The following ANKRD26 variants were observed in gnomAD, a reference collection of about 807,000 sequenced individuals.
ANKRD26 encodes ankyrin repeat domain-containing protein 26.
In ANKRD26, 141 loss-of-function variants were observed where a neutral mutation model predicts 208.7. The observed-to-expected ratio is 0.68, with a 90% CI of 0.59 to 0.78. ANKRD26 has a LOEUF of 0.78. Among genes scored for constraint, ANKRD26 ranks in the 30% least tolerant of loss-of-function variants. The pLI is 0.00. For missense variants in ANKRD26, 1,889 were observed against 1,938.7 expected, an observed-to-expected ratio of 0.97 and a Z score of 0.48; for synonymous variants, 636 against 660.4, an observed-to-expected ratio of 0.96 and a Z score of 0.57.
chr10:26,955,400 C>G, the ANKRD26 span, among the ~76,000 whole-genome samples: 3 of 151,532 alleles, frequency 2.0e-5, no homozygotes, highest in Non-Finnish European at 4.4e-5. Flanking sequence ...TGCACTCTAG[C>G]CTGTGCAACA....
At chr10:26,972,661 G>A (rs1250787917), downstream of ANKRD26, among the ~76,000 whole-genome samples, 1 of 148,992 alleles carries the variant, frequency 6.7e-6, no homozygotes, top group Non-Finnish European at 1.5e-5. Flanking sequence ...TGTGATCTTG[G>A]CTCACTGCAA....
At chr10:27,053,487 T>G in intron 15 of ANKRD26, 97 bp from the exon 16 acceptor site, 1 of 874,814 alleles carries the variant, frequency 1.1e-6, no homozygotes, top group Non-Finnish European at 1.7e-6. Context: ...TTATTTTATT[T>G]TATAAATCGA....
chr10:26,968,734 A>G, the ANKRD26 span, among the ~76,000 whole-genome samples: 1 of 152,234 alleles, frequency 6.6e-6, no homozygotes, highest in African/African-American at 2.4e-5. Flanking sequence ...GGGCAGCCTT[A>G]AATTGAGAAG....
In ANKRD26 at chr10:27,040,321, A is replaced by G; in HGVS notation, c.2162-143T>C. 5.9e-6 allele frequency: 4 copies of G among 672,352 alleles called. No individual in the cohort carries two copies. The South Asian group carries it at 7.4e-5, about 12-fold the overall frequency. The allele number at this position is 672,352 out of a possible 1,614,324, so 41.6% of individuals were successfully genotyped here. A position where few individuals can be genotyped will look rare whatever the true frequency, so the allele number is the denominator to read the frequency against. On this transcript the variant is annotated intron_variant, in intron 20 of 33. Transcript: ENST00000376087. ...TGGAAGACATTAAACTAAGCTCTGA[A>G]GATAAAACAGGCAAGACCTCTGCAC...
chr10:27,097,931 G>C (rs1448033726), intron 1 of ANKRD26, among the ~76,000 whole-genome samples: 1 of 150,398 alleles, frequency 6.6e-6, no homozygotes, highest in African/African-American at 2.4e-5. Flanking sequence ...GGGATTACAG[G>C]CCTAAGCCAT....
At chr10:26,961,148 C>T in the ANKRD26 span, among the ~76,000 whole-genome samples, 4 of 149,666 alleles carry the variant, frequency 2.7e-5, no homozygotes, top group South Asian at 4.2e-4. Context: ...ACCTGGGAGG[C>T]GGAGGTTGCA....
chr10:27,086,708 T>G, intron 4 of ANKRD26, 99 bp from the exon 5 acceptor site: 1 of 1,297,802 alleles, frequency 7.7e-7, no homozygotes, highest in Non-Finnish European at 1.0e-6. Flanking sequence ...TTATCAGAGC[T>G]AACAGCAGAA....
chr10:27,028,386 G>A (rs556449115), intron 27 of ANKRD26, among the ~76,000 whole-genome samples: 4 of 152,028 alleles, frequency 2.6e-5, no homozygotes, highest in South Asian at 2.1e-4. Flanking sequence ...CATGAGGTCA[G>A]GAGATCGAGA....
At chr10:27,040,762 G>C (rs530966089) in intron 20 of ANKRD26, among the ~76,000 whole-genome samples, 20 of 152,252 alleles carry the variant, frequency 1.3e-4, no homozygotes, top group African/African-American at 4.8e-4. Context: ...GGGCGTAGTG[G>C]GTCACACCTG....
At position 27,037,206 on chromosome 10, in the gene ANKRD26, G is replaced by T. The variant is rs376457164; in HGVS notation, c.2677C>A (p.Gln893Lys). 6.8e-6 allele frequency: 11 copies of T among 1,613,446 alleles called. No individual in the cohort carries two copies. Among genetic ancestry groups the T allele is most frequent in the African/African-American group, 1.3e-5 (1 of 74,984 alleles). ...AATACCTCAGAATTCATTTTCTTTT[G>T]AGCCATTTCAATCTCCTTTTGTTTG... ...LSKQKEIEMA[Q>K]KKMNSENSHS... is the part of the protein sequence containing the mutation. Residue 893 changes from glutamine to lysine, a missense_variant, in exon 23 of 34, where the codon CAA becomes AAA. Physicochemically the swap from Gln to Lys is moderately conservative, Grantham distance 53. Transcript: ENST00000376087.
chr10:27,029,343 T>G lies in ANKRD26; in HGVS notation c.3821A>C (p.Gln1274Pro), dbSNP rs1446112352. The G allele has an allele frequency of 2.5e-6, 4 of 1,612,262 alleles. No individual in the cohort carries two copies. Among genetic ancestry groups the G allele is most frequent in the Non-Finnish European group, 3.4e-6 (4 of 1,178,988 alleles). The change falls in exon 26 of 34, where the codon CAG (glutamine) becomes CCG (proline). Residue 1274 changes from glutamine (Q) to proline (P), a missense_variant. Gln to Pro is a moderately conservative substitution (Grantham distance 76, BLOSUM62 -1). Around this residue, in one of 3 missense-constraint regions of ANKRD26, gnomAD observed 613 missense variants for 648.2 expected, o/e 0.95. Transcript: ENST00000376087. ...GQIRNQLQEAQDRHTEAVRCA... is the reference protein window; with the variant it reads ...GQIRNQLQEAPDRHTEAVRCA... ...TCTGACAGCTTCTGTATGTCGATCC[T>G]GTGCTTCTTGCAACTAAAACAAAGA...
chr10:26,984,693 G>T (rs967261145), intron 3 of ANKRD26, among the ~76,000 whole-genome samples: 4 of 152,282 alleles, frequency 2.6e-5, no homozygotes, highest in Non-Finnish European at 5.9e-5. Context: ...GAAAAGTTGG[G>T]TCGGTTATTT....
chr10:27,028,998 T>C, intron 26 of ANKRD26, 53 bp from the exon 27 acceptor site: 2 of 1,421,560 alleles, frequency 1.4e-6, no homozygotes, highest in East Asian at 5.0e-5. Flanking sequence ...TTTAAAATAC[T>C]GTGTAATTTC....
intron 28 of ANKRD26, among the ~76,000 whole-genome samples, chr10:27,023,083 C>T (rs1173090635): frequency 3.9e-5 from 6 of 152,192 alleles, no homozygotes; most frequent in South Asian, 2.1e-4. Flanking sequence ...AATTCCAGCA[C>T]TTTGGGAGAC....
the ANKRD26 span, among the ~76,000 whole-genome samples, chr10:26,960,642 T>A: frequency 2.0e-4 from 31 of 152,380 alleles, no homozygotes; most frequent in East Asian, 4.6e-3. Context: ...AACTGAAATA[T>A]GCTAATTTAT....
chr10:27,030,378 T>C (rs754755467), intron 25 of ANKRD26: 417 of 985,062 alleles, frequency 4.2e-4, no homozygotes, highest in Middle Eastern at 1.0e-3. Context: ...CTGGAATAAG[T>C]AATACATAAC....
intron 6 of ANKRD26, among the ~76,000 whole-genome samples, chr10:27,082,375 C>G (rs1053715935): frequency 3.9e-5 from 6 of 152,170 alleles, no homozygotes; most frequent in Non-Finnish European, 8.8e-5. Flanking sequence ...GTACTAATTA[C>G]CACTGCAATT....
intron 6 of ANKRD26, chr10:27,080,126 C>T (rs1177733349): frequency 3.5e-6 from 1 of 285,950 alleles, no homozygotes; most frequent in Non-Finnish European, 7.2e-6. Context: ...TGTAGCACTC[C>T]AGCCTGGGCA....
In ANKRD26 at chr10:27,004,566, C is replaced by A. The variant is rs906939591; in HGVS notation, c.*1024G>T. 5.3e-5 allele frequency: 8 copies of A among 152,048 alleles called. No individual in the cohort carries two copies. Among genetic ancestry groups the A allele is most frequent in the African/African-American group, 1.7e-4 (7 of 41,394 alleles). 9.4% of individuals were successfully genotyped at this position (152,048 alleles called of 1,614,324 possible). ...AATGCTAACATTACCAGTAACAGGG[C>A]AAATCAAAACTGTAGGGTCACAGGT... On this transcript the variant is annotated 3_prime_UTR_variant, in exon 34 of 34. Coordinates refer to ENST00000376087, the MANE Select transcript of ANKRD26 (RefSeq NM_014915.3).
Sources: allele counts gnomAD v4.1 joint callset (sites outside exome capture counted in the v4.1 genomes callset), GRCh38; gene constraint gnomAD v4.1.1; regional missense constraint gnomAD v4.1.1; transcripts MANE v1.5; gene names NCBI Gene and HGNC (gene_info 2026-07-23, HGNC 2026-07-21).